Variants in ADAMTS9 observed in about 807,000 individuals in gnomAD.
ADAMTS9 encodes the protein ADAM metallopeptidase with thrombospondin type 1 motif 9.
Under a neutral mutation model 257.1 loss-of-function variants are expected in ADAMTS9, and 107 were observed. That is an observed-to-expected ratio of 0.42 (90% CI 0.36 to 0.49). The LOEUF is 0.49. Ranked by LOEUF, ADAMTS9 falls within the 20% of genes least tolerant of loss-of-function variation. ADAMTS9 has a pLI of 0.03. For synonymous variants in ADAMTS9, 982 were observed against 880.9 expected (o/e 1.11, Z -2.03); for missense variants, 2,353 against 2,469.1 (o/e 0.95, Z 1.00).
At chr3:64,659,006 G>A (rs1254339701) in intron 3 of ADAMTS9, among the ~76,000 whole-genome samples, 2 of 152,122 alleles carry the variant, frequency 1.3e-5, no homozygotes, top group African/African-American at 4.8e-5. Flanking sequence ...ATACTTGCTC[G>A]CTTACGGTAT....
At position 64,561,769 on chromosome 3, in the gene ADAMTS9, G is replaced by GT. The variant is rs776318441; in HGVS notation, c.4525-19dup. ...ACAGAGCACTAAGAAGACAGAGAAC[G>GT]TAAGTGGGAGCTTCGGCTCATTTAT... is the stretch of plus-strand genomic sequence containing the variant. On this transcript the variant is annotated intron_variant, in intron 29 of 39. Transcript: ENST00000498707. The GT allele has an allele frequency of 5.0e-6, 5 of 994,192 alleles. No homozygotes were observed. The highest frequency in any genetic ancestry group is 7.3e-6 in the Non-Finnish European group (5 of 689,270). 61.6% of individuals were successfully genotyped at this position (994,192 alleles called of 1,614,324 possible). A position where few individuals can be genotyped will look rare whatever the true frequency, so the allele number is the denominator to read the frequency against.
At chr3:64,519,086 A>T (rs78180612) in intron 39 of ADAMTS9, among the ~76,000 whole-genome samples, 1,573 of 152,246 alleles carry the variant, frequency 0.01, 61 homozygotes, top group East Asian at 0.07. Context: ...CCTCATCATG[A>T]TCTTAAGCAA....
intron 12 of ADAMTS9, among the ~76,000 whole-genome samples, chr3:64,637,015 C>T (rs546197167): frequency 6.6e-6 from 1 of 152,288 alleles, no homozygotes; most frequent in South Asian, 2.1e-4. Flanking sequence ...CAGGCTGTCT[C>T]CCTTGAGACA....
chr3:64,579,465 A>G (rs2083938204), intron 28 of ADAMTS9, among the ~76,000 whole-genome samples: 1 of 152,060 alleles, frequency 6.6e-6, no homozygotes, highest in Admixed American at 6.6e-5. Context: ...ATCTATGGCA[A>G]CTGCCGTCTT....
At chr3:64,678,282 C>T (rs1416692094) in intron 3 of ADAMTS9, among the ~76,000 whole-genome samples, 2 of 152,182 alleles carry the variant, frequency 1.3e-5, no homozygotes, top group African/African-American at 4.8e-5. Context: ...AGGACTCCTC[C>T]AGTTCCAGTA....
intron 31 of ADAMTS9, chr3:64,550,184 C>G (rs1259390458): frequency 6.6e-6 from 1 of 152,070 alleles, no homozygotes; most frequent in Non-Finnish European, 1.5e-5. Context: ...TAAAAAGGGT[C>G]TAGATAAGCA....
intron 2 of ADAMTS9, among the ~76,000 whole-genome samples, chr3:64,685,591 T>TG (rs1037639768): frequency 3.9e-5 from 6 of 152,106 alleles, no homozygotes; most frequent in Admixed American, 6.5e-5. Flanking sequence ...CGTGGAGAAG[T>TG]GGGGGGCAGA....
At chr3:64,546,502 G>A (rs1273985442) in intron 32 of ADAMTS9, among the ~76,000 whole-genome samples, 23 of 152,222 alleles carry the variant, frequency 1.5e-4, no homozygotes. Context: ...ACTTGCCCAA[G>A]GTTGTTCACC....
intron 37 of ADAMTS9, among the ~76,000 whole-genome samples, chr3:64,534,434 T>C (rs1188775089): frequency 6.6e-6 from 1 of 152,224 alleles, no homozygotes; most frequent in East Asian, 1.9e-4. Flanking sequence ...GTTCGTGTGA[T>C]CTCTTCAATG....
At chr3:64,556,699 A>G (rs913928523) in intron 30 of ADAMTS9, among the ~76,000 whole-genome samples, 1 of 140,494 alleles carries the variant, frequency 7.1e-6, no homozygotes, top group Non-Finnish European at 1.6e-5. Context: ...ATTAGCAGGC[A>G]CTGTTCTATG....
chr3:64,607,089 G>C lies in ADAMTS9; in HGVS notation c.3355-10C>G. On this transcript the variant is annotated splice_polypyrimidine_tract_variant and intron_variant, in intron 22 of 39. Transcript: ENST00000498707. ...CACAAGTGACACTGCACTGGAAGAAGGAGGACAAAAGGTATATACAATTCA... is the reference window on the plus strand; with the variant it reads ...CACAAGTGACACTGCACTGGAAGAACGAGGACAAAAGGTATATACAATTCA... 3 of 1,613,300 alleles carry C rather than the reference G, an allele frequency of 1.9e-6. No individual in the cohort carries two copies. The highest frequency in any genetic ancestry group is 2.5e-6 in the Non-Finnish European group (3 of 1,179,622).
intron 38 of ADAMTS9, among the ~76,000 whole-genome samples, chr3:64,530,975 G>A (rs1252924177): frequency 6.6e-6 from 1 of 152,088 alleles, no homozygotes; most frequent in Non-Finnish European, 1.5e-5. Flanking sequence ...GAAGGAATGG[G>A]GAAAGAACAT....
Position 64,533,358 on chromosome 3 carries a change from T to C in ADAMTS9, c.5614-88A>G, listed in dbSNP as rs1015860. On this transcript the variant is annotated intron_variant, in intron 37 of 39. Transcript: ENST00000498707. ...CAAAGGTGATACAATAAAAGGTACT[T>C]TGGAAAAGAGAAGGATGTTGATTAA... 8.4e-3 allele frequency: 8,637 copies of C among 1,022,952 alleles called. 68 individuals carry two copies. The highest frequency in any genetic ancestry group is 0.058 in the Middle Eastern group (279 of 4,796). 63.4% of individuals were successfully genotyped at this position (1,022,952 alleles called of 1,614,324 possible). A position where few individuals can be genotyped will look rare whatever the true frequency, so the allele number is the denominator to read the frequency against.
At chr3:64,639,095 C>T (rs1470567142) in intron 12 of ADAMTS9, among the ~76,000 whole-genome samples, 2 of 152,026 alleles carry the variant, frequency 1.3e-5, no homozygotes, top group Non-Finnish European at 2.9e-5. Context: ...TCTGAACAAG[C>T]TTTTAAACTG....
chr3:64,679,943 C>G (rs1701712778), intron 3 of ADAMTS9, among the ~76,000 whole-genome samples: 1 of 152,192 alleles, frequency 6.6e-6, no homozygotes, highest in Admixed American at 6.5e-5. Context: ...CTCCTCATAT[C>G]CCTTGGCTCT....
At chr3:64,524,151 T>C (rs1255386958) in intron 38 of ADAMTS9, among the ~76,000 whole-genome samples, 1 of 152,230 alleles carries the variant, frequency 6.6e-6, no homozygotes, top group Non-Finnish European at 1.5e-5. Flanking sequence ...TGGATATATT[T>C]TCTGAGCTTA....
chr3:64,572,397 C>T (rs935517331), intron 28 of ADAMTS9, among the ~76,000 whole-genome samples: 10 of 152,192 alleles, frequency 6.6e-5, no homozygotes, highest in African/African-American at 1.2e-4. Flanking sequence ...TAACCTCTAT[C>T]GAGGGCTCTC....
chr3:64,533,125 G>T (rs1474319437), intron 38 of ADAMTS9, 41 bp downstream of exon 38: 3 of 1,538,232 alleles, frequency 2.0e-6, no homozygotes, highest in Admixed American at 1.7e-5. Flanking sequence ...ACGAAAGAAA[G>T]AAATAAAAAT....
At chr3:64,610,251 A>T (rs75738370) in intron 22 of ADAMTS9, among the ~76,000 whole-genome samples, 2,214 of 152,346 alleles carry the variant, frequency 0.015, 64 homozygotes, top group African/African-American at 0.049. Flanking sequence ...AAAATAGACA[A>T]ATTGGACTAC....
Sources: gnomAD v4.1 joint callset for allele counts (sites outside exome capture counted in the v4.1 genomes callset) on GRCh38, gnomAD v4.1.1 for gene constraint, MANE v1.5 for transcripts, NCBI Gene and HGNC (gene_info 2026-07-23, HGNC 2026-07-21) for gene names.